ACAN: variants seen among roughly 807,000 people sequenced by gnomAD.
ACAN encodes aggrecan core protein.
ACAN carries 47 observed loss-of-function variants against 169.1 expected under a neutral mutation model. The observed-to-expected ratio is 0.28, with a 90% CI of 0.22 to 0.35. The LOEUF (loss-of-function observed/expected upper bound fraction) is 0.35, where lower values mean the gene tolerates loss of function less well. Among genes scored for constraint, ACAN ranks in the 10% least tolerant of loss-of-function variants. The pLI, the probability that ACAN is intolerant of heterozygous loss-of-function variation, is 1.00. For missense variants in ACAN, 2,716 were observed against 2,759.9 expected, an observed-to-expected ratio of 0.98 and a Z score of 0.36; for synonymous variants, 1,115 against 1,112.2, an observed-to-expected ratio of 1.00 and a Z score of -0.05.
intron 10 of ACAN, chr15:88,850,096 GC>G: frequency 1.7e-6 from 1 of 577,256 alleles, no homozygotes; most frequent in Non-Finnish European, 3.1e-6. Context: ...TGCACGTGGT[GC>G]CCTTGGCATA....
chr15:88,812,548 C>A (rs1012132093), intron 1 of ACAN, among the ~76,000 whole-genome samples: 1 of 152,194 alleles, frequency 6.6e-6, no homozygotes, highest in Non-Finnish European at 1.5e-5. Context: ...CCTGCAGCCC[C>A]TGGCCTCTCA....
At chr15:88,832,976 C>T (rs111357540) in intron 1 of ACAN, among the ~76,000 whole-genome samples, 118 of 152,354 alleles carry the variant, frequency 7.7e-4, no homozygotes, top group African/African-American at 2.7e-3. Context: ...GTCTTTGAAA[C>T]AGCCGTGGGG....
chr15:88,847,289 C>G lies in ACAN; in HGVS notation c.1476C>G (p.Thr492=), dbSNP rs139042772. ...YRPGPTRYSL[T]FEEAQQACLR... ...CGGGACCCACCCGCTACTCGCTGAC[C>G]TTTGAGGAGGCACAGCAGGCCTGCC... Residue 492 remains threonine, a synonymous_variant, in exon 8 of 19, where the codon ACC becomes ACG. Coordinates refer to ENST00000560601, the MANE Select transcript of ACAN (RefSeq NM_001369268.1). 4,868 of 1,572,262 alleles carry G rather than the reference C, an allele frequency of 3.1e-3. 180 individuals are homozygous for G. The Admixed American group carries it at 0.065, about 21-fold the overall frequency.
rs1895704017 is a variant in ACAN at position 88,807,193 on chromosome 15, G to T, written c.-8+3384G>T. ...AGGTGGAAGCTGGAGTTGGGGAAAG[G>T]CAAGTTCAAGGAAGAGGACCCAGAG... is the stretch of plus-strand genomic sequence containing the variant. On this transcript the variant is annotated intron_variant, in intron 1 of 18. Coordinates refer to ENST00000560601, the MANE Select transcript of ACAN (RefSeq NM_001369268.1). This position sits in a 1 kb window ranked among gnomAD's most constrained non-coding sequence, Gnocchi z 4.0. Among the ~76,000 whole-genome samples the T allele has an allele frequency of 6.6e-6, 1 of 152,162 alleles. No individual in the cohort carries two copies. Among genetic ancestry groups the T allele is most frequent in the East Asian group, 1.9e-4 (1 of 5,188 alleles).
chr15:88,817,849 G>GAAAAAAAAAAAAAAA (rs10710630), intron 1 of ACAN, among the ~76,000 whole-genome samples: 2 of 73,402 alleles, frequency 2.7e-5, no homozygotes, highest in Admixed American at 1.7e-4. Flanking sequence ...GTGAGACTCT[G>GAAAAAAAAAAAAAAA]AAAAAAAAAA....
At position 88,856,905 on chromosome 15, in the gene ACAN, T is replaced by C. The variant is rs369184696; in HGVS notation, c.4320T>C (p.Thr1440=). The change falls in exon 12 of 19, where the codon ACT becomes ACC. Residue 1440 remains threonine, a synonymous_variant. Coordinates refer to ENST00000560601, the MANE Select transcript of ACAN (RefSeq NM_001369268.1). ...SGLPSGEVLE[T]TAPGVEEISG... is the part of the protein sequence containing the mutation. Reference sequence around the variant, plus strand: ...TTCCTTCTGGAGAAGTTCTAGAGACTACTGCCCCTGGAGTAGAGGAGATCA... The same window carrying C: ...TTCCTTCTGGAGAAGTTCTAGAGACCACTGCCCCTGGAGTAGAGGAGATCA... The C allele has an allele frequency of 1.9e-6, 3 of 1,592,404 alleles. No individual in the cohort carries two copies. Among genetic ancestry groups the C allele is most frequent in the African/African-American group, 1.4e-5 (1 of 73,984 alleles).
rs143293786 is a variant in ACAN at position 88,868,165 on chromosome 15, A to T, written c.6947-51A>T. The T allele has an allele frequency of 3.2e-4, 218 of 689,068 alleles. 1 individual carries two copies. The highest frequency in any genetic ancestry group is 2.8e-3 in the African/African-American group (160 of 57,150). 42.7% of individuals were successfully genotyped at this position (689,068 alleles called of 1,614,324 possible). A position where few individuals can be genotyped will look rare whatever the true frequency, so the allele number is the denominator to read the frequency against. Reference sequence around the variant, plus strand: ...TCAAAAGGAGGCCACAGTGCTTGTGAGGCTGGAGTTGCCGGCAGGAGTCCT... The same window carrying T: ...TCAAAAGGAGGCCACAGTGCTTGTGTGGCTGGAGTTGCCGGCAGGAGTCCT... On this transcript the variant is annotated intron_variant, in intron 13 of 18. Transcript: ENST00000560601. The surrounding 1 kb of genome is among the most constrained non-coding windows in gnomAD (Gnocchi z 5.2).
rs1043045159 is a variant in ACAN at position 88,872,632 on chromosome 15, G to A, written c.7303-249G>A. On this transcript the variant is annotated intron_variant, in intron 16 of 18. Coordinates refer to ENST00000560601, the MANE Select transcript of ACAN (RefSeq NM_001369268.1). The surrounding 1 kb of genome is among the most constrained non-coding windows in gnomAD (Gnocchi z 5.4). Reference sequence around the variant, plus strand: ...TGTACAGAGCCTGTGAGTCTTGGGGGTTCTGAGCTCCTGAGAAGGACCTGA... The same window carrying A: ...TGTACAGAGCCTGTGAGTCTTGGGGATTCTGAGCTCCTGAGAAGGACCTGA... Among the ~76,000 whole-genome samples, 2 of 152,130 alleles carry A rather than the reference G, an allele frequency of 1.3e-5. No individual in the cohort carries two copies. The highest frequency in any genetic ancestry group is 4.8e-5 in the African/African-American group (2 of 41,438).
intron 11 of ACAN, among the ~76,000 whole-genome samples, chr15:88,852,670 C>G (rs571714730): frequency 1.3e-5 from 2 of 152,352 alleles, no homozygotes; most frequent in African/African-American, 4.8e-5. Flanking sequence ...TGCAGACCTT[C>G]TCAGAGCCTT....
At chr15:88,832,077 C>A (rs1199647207) in intron 1 of ACAN, among the ~76,000 whole-genome samples, 2 of 152,036 alleles carry the variant, frequency 1.3e-5, no homozygotes, top group East Asian at 3.9e-4. Context: ...AAGGAATGGG[C>A]CACCTTGTGA....
chr15:88,808,343 A>C (rs1316507067), intron 1 of ACAN, among the ~76,000 whole-genome samples: 1 of 152,250 alleles, frequency 6.6e-6, no homozygotes, highest in African/African-American at 2.4e-5. Flanking sequence ...CTCATCACAG[A>C]ATATGTCGTG....
intron 1 of ACAN, among the ~76,000 whole-genome samples, chr15:88,827,807 T>A (rs1223952400): frequency 6.6e-6 from 1 of 152,206 alleles, no homozygotes; most frequent in Non-Finnish European, 1.5e-5. Context: ...AGATCCTATC[T>A]AATCAGCACT....
intron 7 of ACAN, 142 bp downstream of exon 7, chr15:88,846,024 C>A: frequency 1.0e-6 from 1 of 964,764 alleles, no homozygotes. Flanking sequence ...CCTTATTCTC[C>A]TCATCTGTGG....
At position 88,849,874 on chromosome 15, in the gene ACAN, C is replaced by G; in HGVS notation, c.2026+143C>G. The G allele has an allele frequency of 3.3e-6, 4 of 1,205,198 alleles. No homozygotes were observed. Among genetic ancestry groups the G allele is most frequent in the Non-Finnish European group, 4.8e-6 (4 of 840,614 alleles). The allele number at this position is 1,205,198 out of a possible 1,614,324, so 74.7% of individuals were successfully genotyped here. ...CTCTGGGGCAGAGCCAGCTCTGAAA[C>G]CAGCACAACGCAGGCTTTGACCCCA... On this transcript the variant is annotated intron_variant, in intron 10 of 18. Coordinates refer to ENST00000560601, the MANE Select transcript of ACAN (RefSeq NM_001369268.1). This position sits in a 1 kb window ranked among gnomAD's most constrained non-coding sequence, Gnocchi z 5.1.
At chr15:88,830,838 AAAAT>A (rs1896341519) in intron 1 of ACAN, among the ~76,000 whole-genome samples, 1 of 152,316 alleles carries the variant, frequency 6.6e-6, no homozygotes, top group East Asian at 1.9e-4. Flanking sequence ...TAAATTTGTA[AAAAT>A]AAATAAAGTA....
rs1420631612 is a variant in ACAN, at chr15:88,872,917, T to C, written c.7339T>C (p.Phe2447Leu). The change falls in exon 17 of 19, where the codon TTT becomes CTT. Residue 2447 changes from phenylalanine (F) to leucine (L), a missense_variant. By Grantham distance (22) the Phe-to-Leu change is conservative. Around this residue, in one of 3 missense-constraint regions of ACAN, gnomAD observed 1,389 missense variants for 1,363.7 expected, o/e 1.02. Coordinates refer to ENST00000560601, the MANE Select transcript of ACAN (RefSeq NM_001369268.1). This position sits in a 1 kb window ranked among gnomAD's most constrained non-coding sequence, Gnocchi z 5.4. Reference protein sequence around the residue: ...ENWRPNQPDNFFAAGEDCVVM... With the variant: ...ENWRPNQPDNLFAAGEDCVVM... ...CTGGCGCCCCAACCAGCCTGACAAC[T>C]TTTTTGCCGCTGGAGAGGACTGTGT... 1.2e-6 allele frequency: 2 copies of C among 1,613,744 alleles called. No homozygotes were observed. The highest frequency in any genetic ancestry group is 1.7e-6 in the Non-Finnish European group (2 of 1,179,860).
chr15:88,858,186 C>A lies in ACAN; in HGVS notation c.5601C>A (p.Gly1867=). ...GLPSGEADLS[G]KSGMVDVSGQ... ...CTTCCGGAGAGGCAGATCTGTCAGG[C>A]AAATCTGGGATGGTGGATGTCAGTG... Residue 1867 remains glycine (G), a synonymous_variant, in exon 12 of 19, where the codon GGC becomes GGA. Coordinates refer to ENST00000560601, the MANE Select transcript of ACAN (RefSeq NM_001369268.1). This position sits in a 1 kb window ranked among gnomAD's most constrained non-coding sequence, Gnocchi z 4.0. The A allele has an allele frequency of 6.2e-7, 1 of 1,613,852 alleles. No individual in the cohort carries two copies. The highest frequency in any genetic ancestry group is 8.5e-7 in the Non-Finnish European group (1 of 1,179,892).
rs1897312956 is a variant in ACAN, at chr15:88,868,291, T to C, written c.7022T>C (p.Leu2341Ser). Residue 2341 changes from leucine to serine, a missense_variant, in exon 14 of 19, where the codon TTA (leucine) becomes TCA (serine). By Grantham distance (145) the Leu-to-Ser change is moderately radical. Coordinates refer to ENST00000560601, the MANE Select transcript of ACAN (RefSeq NM_001369268.1). This position sits in a 1 kb window ranked among gnomAD's most constrained non-coding sequence, Gnocchi z 5.2. ...GATGCCATCGACTCTTTCACATGCT[T>C]ATGCCTTCCCAGCTACGAAGGGGAC... ...CVDAIDSFTC[L>S]CLPSYEGDLC... 2 of 702,728 alleles carry C rather than the reference T, an allele frequency of 2.8e-6. No individual in the cohort carries two copies. Among genetic ancestry groups the C allele is most frequent in the African/African-American group, 3.5e-5 (2 of 57,264 alleles). The allele number at this position is 702,728 out of a possible 1,614,324, so 43.5% of individuals were successfully genotyped here. A position where few individuals can be genotyped will look rare whatever the true frequency, so the allele number is the denominator to read the frequency against.
chr15:88,820,004 C>A (rs1454027303), intron 1 of ACAN, among the ~76,000 whole-genome samples: 1 of 152,124 alleles, frequency 6.6e-6, no homozygotes, highest in Non-Finnish European at 1.5e-5. Context: ...TATTTACCCC[C>A]TCTGAGCCTC....
Sources: allele counts gnomAD v4.1 joint callset (sites outside exome capture counted in the v4.1 genomes callset), GRCh38; gene constraint gnomAD v4.1.1; regional missense constraint gnomAD v4.1.1; non-coding constraint Gnocchi (gnomAD v3.1); transcripts MANE v1.5; gene names NCBI Gene and HGNC (gene_info 2026-07-23, HGNC 2026-07-21).